The following PCDHA11 variants were observed in gnomAD, a reference collection of about 807,000 sequenced individuals.
PCDHA11 encodes protocadherin alpha 11.
In PCDHA11, 61 loss-of-function variants were observed where a neutral mutation model predicts 70.3. The observed-to-expected ratio is 0.87, with a 90% CI of 0.71 to 1.07. The LOEUF (loss-of-function observed/expected upper bound fraction) is 1.07, where lower values mean the gene tolerates loss of function less well. Ranked by LOEUF, PCDHA11 falls within the 50% of genes least tolerant of loss-of-function variation. The pLI is 0.00. For missense variants in PCDHA11, 1,324 were observed against 1,237.5 expected (o/e 1.07, Z -1.05); for synonymous variants, 633 against 555.1 (o/e 1.14, Z -1.97).
chr5:140,869,126 G>T lies in PCDHA11; in HGVS notation c.23G>T (p.Gly8Val). ...GCGATGTTTGGTTTTCAGAGAAGGG[G>T]ATTGGGCACCCCACGACTACAGCTC... The part of the protein sequence containing the change: MFGFQRR[G>V]LGTPRLQLWL... Residue 8 changes from glycine to valine, a missense_variant, in exon 1 of 4, where the codon GGA becomes GTA. Physicochemically the swap from Gly to Val is moderately radical, Grantham distance 109 (BLOSUM62 -3). Transcript: ENST00000398640. The T allele has an allele frequency of 1.2e-6, 2 of 1,611,852 alleles. No homozygotes were observed. The highest frequency in any genetic ancestry group is 2.2e-5 in the South Asian group (2 of 90,984).
intron 3 of PCDHA11, among the ~76,000 whole-genome samples, chr5:140,988,674 T>C (rs1221039125): frequency 1.3e-5 from 2 of 152,240 alleles, no homozygotes; most frequent in Non-Finnish European, 2.9e-5. Context: ...GACTCTAAGA[T>C]AATTCTTTCC....
At chr5:140,887,438 A>T (rs540823028) in intron 1 of PCDHA11, among the ~76,000 whole-genome samples, 3 of 152,268 alleles carry the variant, frequency 2.0e-5, no homozygotes, top group Admixed American at 6.5e-5. Flanking sequence ...TTCACTGGGC[A>T]TAGTTGACAG....
chr5:140,882,052 C>A (rs2058925535), intron 1 of PCDHA11: 5 of 766,334 alleles, frequency 6.5e-6, no homozygotes, highest in Admixed American at 3.1e-5. Context: ...GTCATACTTA[C>A]ACTTACACGT....
intron 1 of PCDHA11, among the ~76,000 whole-genome samples, chr5:140,973,118 G>T (rs1554234897): frequency 1.3e-5 from 2 of 152,168 alleles, no homozygotes; most frequent in Non-Finnish European, 2.9e-5. Context: ...TAGCAGAGAT[G>T]AATTAAGTTT....
At chr5:140,968,965 C>T in intron 1 of PCDHA11, 1 of 1,614,208 alleles carries the variant, frequency 6.2e-7, no homozygotes, top group Non-Finnish European at 8.5e-7. Context: ...AGTGCTACCG[C>T]TACACTGCGT....
At chr5:140,927,376 A>G (rs1554204440) in intron 1 of PCDHA11, 13 of 1,614,094 alleles carry the variant, frequency 8.1e-6, no homozygotes, top group East Asian at 2.2e-5. Context: ...ACTAAGCTAC[A>G]GCCTAAGCCC....
rs782428365 is a variant in PCDHA11 at position 140,927,400 on chromosome 5, C to T, written c.2392-51549C>T. 7 of 1,614,126 alleles carry T rather than the reference C, an allele frequency of 4.3e-6. No homozygotes were observed. In the South Asian group the frequency reaches 5.5e-5, roughly 13 times the overall value. On this transcript the variant is annotated intron_variant, in intron 1 of 3. Transcript: ENST00000398640. ...CAGCCTAAGCCCCAGTCAGCACTTT[C>T]GCCTGGACATGGGATCGCGGGTTGA...
intron 3 of PCDHA11, among the ~76,000 whole-genome samples, chr5:141,000,102 C>T (rs537991787): frequency 8.5e-5 from 13 of 152,172 alleles, no homozygotes; most frequent in East Asian, 5.8e-4. Context: ...AGCTCAACTC[C>T]GTCTCTTCCC....
At chr5:140,980,684 GAAAA>G (rs782726576) in intron 2 of PCDHA11, among the ~76,000 whole-genome samples, 3 of 145,064 alleles carry the variant, frequency 2.1e-5, no homozygotes, top group Non-Finnish European at 4.6e-5. Flanking sequence ...TTTTCAAATT[GAAAA>G]AAAAAAGCCA....
chr5:140,990,977 G>T (rs1554251868), intron 3 of PCDHA11, among the ~76,000 whole-genome samples: 1 of 152,156 alleles, frequency 6.6e-6, no homozygotes, highest in African/African-American at 2.4e-5. Context: ...CAAGAGAAAG[G>T]AAGACAATAG....
intron 1 of PCDHA11, among the ~76,000 whole-genome samples, chr5:140,960,355 A>G (rs1489344440): frequency 6.6e-6 from 1 of 152,222 alleles, no homozygotes; most frequent in Admixed American, 6.5e-5. Flanking sequence ...ATGTACTGAA[A>G]TAATATGCCA....
intron 1 of PCDHA11, among the ~76,000 whole-genome samples, chr5:140,943,453 G>T (rs545980639): frequency 3.3e-4 from 50 of 152,158 alleles, no homozygotes; most frequent in Admixed American, 2.6e-4. Context: ...GAATTGATAA[G>T]GCTAAATGTG....
chr5:140,969,483 G>T (rs531496681), intron 1 of PCDHA11: 15 of 1,462,254 alleles, frequency 1.0e-5, no homozygotes, highest in Non-Finnish European at 1.3e-5. Context: ...ATCATAATCT[G>T]CTATTTCCTC....
At chr5:140,878,747 A>G (rs1371286502) in intron 1 of PCDHA11, among the ~76,000 whole-genome samples, 1 of 152,186 alleles carries the variant, frequency 6.6e-6, no homozygotes, top group Non-Finnish European at 1.5e-5. Context: ...ACTTTCTTAC[A>G]TATCTTTAGT....
intron 1 of PCDHA11, among the ~76,000 whole-genome samples, chr5:140,921,161 T>A (rs201050388): frequency 2.1e-5 from 3 of 141,450 alleles, no homozygotes; most frequent in African/African-American, 5.2e-5. Context: ...ATTTTTTTTT[T>A]AACACACATA....
At position 140,871,160 on chromosome 5, in the gene PCDHA11, C is replaced by A; in HGVS notation, c.2057C>A (p.Ala686Glu). Residue 686 changes from alanine to glutamate, a missense_variant, in exon 1 of 4, where the codon GCG (alanine) becomes GAG (glutamate). Coordinates refer to ENST00000398640, the MANE Select transcript of PCDHA11 (RefSeq NM_018902.5). ...TCTTCCCGGACTTTGGCGGGCGCCG[C>A]GAGCCCAGAGGCTGCGCTGGTGGAT... ...KASSRTLAGA[A>E]SPEAALVDVN... 1 of 1,613,470 alleles carries A rather than the reference C, an allele frequency of 6.2e-7. No individual in the cohort carries two copies. Among genetic ancestry groups the A allele is most frequent in the Non-Finnish European group, 8.5e-7 (1 of 1,179,934 alleles).
chr5:140,926,766 C>A (rs950499262), intron 1 of PCDHA11: 34 of 1,343,396 alleles, frequency 2.5e-5, no homozygotes, highest in Non-Finnish European at 3.3e-5. Context: ...GAGTATCCAG[C>A]CCGCAGCAGT....
At chr5:140,877,631 C>A (rs1220029307) in intron 1 of PCDHA11, 2 of 1,613,768 alleles carry the variant, frequency 1.2e-6, no homozygotes, top group South Asian at 1.1e-5. Flanking sequence ...CTGTACACTG[C>A]GCTGCGTTGC....
At chr5:140,932,899 CAAT>C (rs1317207926) in intron 1 of PCDHA11, among the ~76,000 whole-genome samples, 2 of 151,832 alleles carry the variant, frequency 1.3e-5, no homozygotes, top group Non-Finnish European at 3.0e-5. Context: ...TAGAGGGAAA[CAAT>C]AATATTTCAA....
Sources: allele counts gnomAD v4.1 joint callset (sites outside exome capture counted in the v4.1 genomes callset), GRCh38; gene constraint gnomAD v4.1.1; transcripts MANE v1.5; gene names NCBI Gene and HGNC (gene_info 2026-07-23, HGNC 2026-07-21).